Variants in SDK1 observed in about 807,000 individuals in gnomAD.
SDK1 encodes the protein sidekick cell adhesion molecule 1.
A neutral mutation model predicts 245.5 loss-of-function variants in SDK1; 157 were observed. The observed-to-expected ratio is 0.64, with a 90% CI of 0.56 to 0.73. The LOEUF (loss-of-function observed/expected upper bound fraction) is 0.73. Among genes scored for constraint, SDK1 ranks in the 30% least tolerant of loss-of-function variants. The pLI is 0.00. For missense variants in SDK1, 3,583 were observed against 3,002.3 expected (o/e 1.19, Z -4.52); for synonymous variants, 1,647 against 1,278.5 (o/e 1.29, Z -6.15).
chr7:3,720,222 C>T (rs901358892), intron 4 of SDK1, among the ~76,000 whole-genome samples: 1 of 152,060 alleles, frequency 6.6e-6, no homozygotes, highest in African/African-American at 2.4e-5. Context: ...TGCCATTGCA[C>T]TCCAGCCTGG....
chr7:3,464,257 C>T (rs145271340), intron 1 of SDK1, among the ~76,000 whole-genome samples: 79 of 152,272 alleles, frequency 5.2e-4, no homozygotes, highest in African/African-American at 1.8e-3. Context: ...GGCATGGTGG[C>T]TCACGCCTAT....
chr7:3,809,746 G>A (rs1468989958), intron 4 of SDK1, among the ~76,000 whole-genome samples: 7 of 152,280 alleles, frequency 4.6e-5, no homozygotes, highest in East Asian at 3.9e-4. Context: ...AATCCTCTGC[G>A]GGCAGCATCA....
At chr7:3,868,580 G>A (rs998051570) in intron 5 of SDK1, among the ~76,000 whole-genome samples, 1 of 152,158 alleles carries the variant, frequency 6.6e-6, no homozygotes, top group Non-Finnish European at 1.5e-5. Context: ...TAGTATTATG[G>A]TCCAACCCTG....
chr7:3,487,754 C>CAAAAA (rs764105126), intron 1 of SDK1, among the ~76,000 whole-genome samples: 9,623 of 64,052 alleles, frequency 0.15, 692 homozygotes, highest in Non-Finnish European at 0.21. Context: ...GACCCCATCT[C>CAAAAA]AAAAAAAAAA....
chr7:4,045,996 G>A (rs573093881), intron 17 of SDK1, among the ~76,000 whole-genome samples: 1 of 151,646 alleles, frequency 6.6e-6, no homozygotes, highest in African/African-American at 2.4e-5. Context: ...GTCTTACTTG[G>A]TTGCTCACGG....
chr7:3,445,227 CTT>C (rs1366302188), intron 1 of SDK1, among the ~76,000 whole-genome samples: 1 of 152,124 alleles, frequency 6.6e-6, no homozygotes, highest in Non-Finnish European at 1.5e-5. Context: ...CATTTTAACA[CTT>C]GGGTTTCAGC....
At chr7:3,717,479 A>G (rs2115025203) in intron 4 of SDK1, among the ~76,000 whole-genome samples, 1 of 152,358 alleles carries the variant, frequency 6.6e-6, no homozygotes, top group South Asian at 2.1e-4. Context: ...TGTGTATATT[A>G]GAAAGAGGGA....
chr7:3,950,836 G>T, intron 5 of SDK1, 87 bp from the exon 6 acceptor site: 1 of 953,462 alleles, frequency 1.0e-6, no homozygotes. Context: ...GTATCCCCGG[G>T]GGTCTTGGAA....
At chr7:3,304,808 A>G (rs1454410541) in intron 1 of SDK1, among the ~76,000 whole-genome samples, 5 of 152,184 alleles carry the variant, frequency 3.3e-5, no homozygotes, top group Non-Finnish European at 7.3e-5. Context: ...GTGTTTCTCA[A>G]ACTTGGTTGC....
At position 4,267,108 on chromosome 7, in the gene SDK1, A is replaced by G. The variant is rs768505308; in HGVS notation, c.*1724A>G. On this transcript the variant is annotated 3_prime_UTR_variant, in exon 45 of 45. Coordinates refer to ENST00000404826, the MANE Select transcript of SDK1 (RefSeq NM_152744.4). ...CCCAGGAGACCAAGGAGAGTTTTGT[A>G]TAGGCTGGAAAACCCCTTTTCAGTC... 31 of 985,428 alleles carry G rather than the reference A, an allele frequency of 3.1e-5. No individual in the cohort carries two copies. Among genetic ancestry groups the G allele is most frequent in the Non-Finnish European group, 3.5e-5 (29 of 829,938 alleles). 61.0% of individuals were successfully genotyped at this position (985,428 alleles called of 1,614,324 possible). A position where few individuals can be genotyped will look rare whatever the true frequency, so the allele number is the denominator to read the frequency against.
intron 1 of SDK1, among the ~76,000 whole-genome samples, chr7:3,427,664 C>G (rs1040399427): frequency 6.6e-6 from 1 of 152,004 alleles, no homozygotes; most frequent in African/African-American, 2.4e-5. Context: ...TTTCCATACT[C>G]CTTTCTAAGT....
intron 1 of SDK1, among the ~76,000 whole-genome samples, chr7:3,306,968 C>G (rs975757886): frequency 6.6e-6 from 1 of 152,060 alleles, no homozygotes; most frequent in Non-Finnish European, 1.5e-5. Context: ...TGAGAGTAGA[C>G]CTCCAGGTCC....
At chr7:3,431,865 A>AT (rs11450888) in intron 1 of SDK1, among the ~76,000 whole-genome samples, 26,539 of 150,218 alleles carry the variant, frequency 0.18, 2,284 homozygotes, top group South Asian at 0.22. Flanking sequence ...ATCAGGAGTG[A>AT]TTTTTTTTTT....
At chr7:4,117,839 A>G (rs1330212347) in intron 25 of SDK1, among the ~76,000 whole-genome samples, 1 of 152,202 alleles carries the variant, frequency 6.6e-6, no homozygotes, top group African/African-American at 2.4e-5. Flanking sequence ...TGCAGTTGAG[A>G]CACGGCTCTT....
At chr7:3,783,015 C>A (rs1272323529) in intron 4 of SDK1, among the ~76,000 whole-genome samples, 1 of 152,098 alleles carries the variant, frequency 6.6e-6, no homozygotes, top group Non-Finnish European at 1.5e-5. Flanking sequence ...TTAAAGGGAT[C>A]ATTCATCATG....
chr7:3,723,742 ACG>A (rs1778900208), intron 4 of SDK1, among the ~76,000 whole-genome samples: 1 of 151,492 alleles, frequency 6.6e-6, no homozygotes, highest in Non-Finnish European at 1.5e-5. Context: ...ATACATATAC[ACG>A]TGTATATACA....
intron 4 of SDK1, among the ~76,000 whole-genome samples, chr7:3,747,236 G>A (rs1196480355): frequency 1.3e-5 from 2 of 152,128 alleles, no homozygotes; most frequent in Admixed American, 6.5e-5. Flanking sequence ...CATTCTCACT[G>A]GTAATTAGAA....
chr7:3,391,337 A>C (rs1781743682), intron 1 of SDK1, among the ~76,000 whole-genome samples: 1 of 152,138 alleles, frequency 6.6e-6, no homozygotes, highest in Admixed American at 6.5e-5. Flanking sequence ...CCTTGGTTCC[A>C]TTGTGCAGGA....
intron 22 of SDK1, among the ~76,000 whole-genome samples, chr7:4,090,829 A>G (rs1781742293): frequency 6.6e-6 from 1 of 152,234 alleles, no homozygotes; most frequent in Non-Finnish European, 1.5e-5. Flanking sequence ...AGCCACACAT[A>G]CTGAAAAGCA....
Sources: allele counts gnomAD v4.1 joint callset (sites outside exome capture counted in the v4.1 genomes callset), GRCh38; gene constraint gnomAD v4.1.1; transcripts MANE v1.5; gene names NCBI Gene and HGNC (gene_info 2026-07-23, HGNC 2026-07-21).